The following SENP6 variants were observed in gnomAD, a reference collection of about 807,000 sequenced individuals.
The protein encoded by SENP6 is SUMO specific peptidase 6.
SENP6 carries 41 observed loss-of-function variants against 134.5 expected under a neutral mutation model. That is an observed-to-expected ratio of 0.30 (90% confidence interval 0.24 to 0.40). The LOEUF (loss-of-function observed/expected upper bound fraction) is 0.40, where lower values mean the gene tolerates loss of function less well. Ranked by LOEUF, SENP6 falls within the 10% of genes least tolerant of loss-of-function variation. SENP6 has a pLI of 1.00. For missense variants in SENP6, 1,248 were observed against 1,312.5 expected, an observed-to-expected ratio of 0.95 and a Z score of 0.76; for synonymous variants, 395 against 429.8, an observed-to-expected ratio of 0.92 and a Z score of 1.00.
At chr6:75,691,181 C>T (rs1054456231) in intron 16 of SENP6, among the ~76,000 whole-genome samples, 3 of 148,958 alleles carry the variant, frequency 2.0e-5, no homozygotes, top group Non-Finnish European at 3.0e-5. Context: ...CTTACTTTGT[C>T]GTTCAGGTTG....
At chr6:75,621,821 G>A (rs1768295583) in intron 2 of SENP6, among the ~76,000 whole-genome samples, 196 bp downstream of exon 2, 2 of 151,992 alleles carry the variant, frequency 1.3e-5, no homozygotes, top group Admixed American at 1.3e-4. Context: ...TCCATCTTTT[G>A]AAATGTATAA....
At chr6:75,701,738 C>G (rs2149899113) in intron 18 of SENP6, among the ~76,000 whole-genome samples, 1 of 138,772 alleles carries the variant, frequency 7.2e-6, no homozygotes, top group South Asian at 2.3e-4. Flanking sequence ...CTCCCGGGTT[C>G]AAGCAATTCT....
intron 18 of SENP6, among the ~76,000 whole-genome samples, chr6:75,701,796 C>T (rs1470675987): frequency 2.6e-5 from 4 of 151,898 alleles, no homozygotes; most frequent in African/African-American, 4.8e-5. Flanking sequence ...CACACTACCA[C>T]GCCCAGCTAA....
intron 1 of SENP6, among the ~76,000 whole-genome samples, 190 bp downstream of exon 1, chr6:75,602,766 G>C (rs925773208): frequency 1.3e-5 from 2 of 152,186 alleles, no homozygotes; most frequent in African/African-American, 2.4e-5. Context: ...CGAGGGGCTC[G>C]GCTGCGAGCC....
At chr6:75,705,821 T>C (rs897110462) in intron 19 of SENP6, among the ~76,000 whole-genome samples, 10 of 151,548 alleles carry the variant, frequency 6.6e-5, no homozygotes, top group African/African-American at 2.4e-4. Flanking sequence ...GAATAAATTA[T>C]GTGAATTCAG....
At chr6:75,648,113 GTAT>G in intron 7 of SENP6, among the ~76,000 whole-genome samples, 1 of 152,216 alleles carries the variant, frequency 6.6e-6, no homozygotes, top group East Asian at 1.9e-4. Flanking sequence ...ATGTTATAAT[GTAT>G]TATGTAATTG....
chr6:75,695,336 G>C (rs561693470), intron 16 of SENP6, among the ~76,000 whole-genome samples: 1 of 152,302 alleles, frequency 6.6e-6, no homozygotes, highest in South Asian at 2.1e-4. Flanking sequence ...AATTTTCATT[G>C]CCTGAAGATA....
chr6:75,611,677 G>T (rs1190113759), intron 1 of SENP6: 1 of 152,186 alleles, frequency 6.6e-6, no homozygotes, highest in Non-Finnish European at 1.5e-5. Flanking sequence ...GTGTGCTTCA[G>T]CTTGAGATAA....
chr6:75,624,298 A>G (rs1161039260), intron 3 of SENP6, among the ~76,000 whole-genome samples: 1 of 152,198 alleles, frequency 6.6e-6, no homozygotes, highest in Non-Finnish European at 1.5e-5. Context: ...CCATTGTATT[A>G]TATACCATTA....
At chr6:75,687,411 A>G (rs750087794) in intron 16 of SENP6, among the ~76,000 whole-genome samples, 3 of 152,174 alleles carry the variant, frequency 2.0e-5, no homozygotes, top group Admixed American at 6.5e-5. Context: ...AACTCGTCAA[A>G]GTCATTCTCC....
At chr6:75,622,478 G>C (rs768600163) in intron 2 of SENP6, among the ~76,000 whole-genome samples, 1 of 152,174 alleles carries the variant, frequency 6.6e-6, no homozygotes, top group Non-Finnish European at 1.5e-5. Context: ...AGAATCACTT[G>C]AACCCGGGAG....
intron 1 of SENP6, 81 bp from the exon 2 acceptor site, chr6:75,621,451 A>G: frequency 1.2e-6 from 1 of 840,940 alleles, no homozygotes; most frequent in Non-Finnish European, 1.9e-6. Flanking sequence ...GAATAATCAA[A>G]GAGCTTGGGA....
chr6:75,691,952 G>A (rs1279665553), intron 16 of SENP6, among the ~76,000 whole-genome samples: 1 of 151,740 alleles, frequency 6.6e-6, no homozygotes. Context: ...CGCCTCCCGG[G>A]TTCAAGCTAT....
chr6:75,617,553 C>T (rs189956234), intron 1 of SENP6, among the ~76,000 whole-genome samples: 76 of 152,240 alleles, frequency 5.0e-4, no homozygotes, highest in Middle Eastern at 3.4e-3. Flanking sequence ...GCTGGGATTA[C>T]AGGCAGGAGC....
chr6:75,625,694 C>G (rs762874207), intron 3 of SENP6, among the ~76,000 whole-genome samples: 4 of 152,072 alleles, frequency 2.6e-5, no homozygotes, highest in South Asian at 2.1e-4. Context: ...CATGTTGAAA[C>G]CTCGTCTCTA....
chr6:75,603,805 A>C (rs183580167), intron 1 of SENP6, among the ~76,000 whole-genome samples: 1 of 152,152 alleles, frequency 6.6e-6, no homozygotes, highest in East Asian at 1.9e-4. Flanking sequence ...TTACTTGAGT[A>C]TAGTAAAGTG....
chr6:75,622,506 C>G (rs1561974312), intron 2 of SENP6, among the ~76,000 whole-genome samples: 1 of 152,198 alleles, frequency 6.6e-6, no homozygotes, highest in Non-Finnish European at 1.5e-5. Context: ...TTGCAGTGAA[C>G]CCAGATCATG....
intron 16 of SENP6, among the ~76,000 whole-genome samples, chr6:75,680,882 G>T (rs1773416146): frequency 6.6e-6 from 1 of 152,172 alleles, no homozygotes; most frequent in African/African-American, 2.4e-5. Flanking sequence ...CTGGAGTGTG[G>T]TGCTAGAGGA....
chr6:75,693,589 T>C (rs867316488), intron 16 of SENP6, among the ~76,000 whole-genome samples: 5 of 152,216 alleles, frequency 3.3e-5, no homozygotes, highest in Admixed American at 6.5e-5. Flanking sequence ...TCTGACTCAC[T>C]GTCTTGTATT....
Sources: gnomAD v4.1 joint callset for allele counts (sites outside exome capture counted in the v4.1 genomes callset) on GRCh38, gnomAD v4.1.1 for gene constraint, MANE v1.5 for transcripts, NCBI Gene and HGNC (gene_info 2026-07-23, HGNC 2026-07-21) for gene names.